Variants in CYP4X1 observed in about 807,000 individuals in gnomAD.
The protein encoded by CYP4X1 is cytochrome P450 family 4 subfamily X member 1.
A neutral mutation model predicts 57.9 loss-of-function variants in CYP4X1; 44 were observed. The observed-to-expected ratio is 0.76, with a 90% CI of 0.60 to 0.98. CYP4X1 has a LOEUF of 0.98. Ranked by LOEUF, CYP4X1 falls within the 50% of genes least tolerant of loss-of-function variation. The pLI, the probability that CYP4X1 is intolerant of heterozygous loss-of-function variation, is 0.00. For synonymous variants in CYP4X1, 227 were observed against 228.6 expected, an observed-to-expected ratio of 0.99 and a Z score of 0.06; for missense variants, 532 against 623.9, an observed-to-expected ratio of 0.85 and a Z score of 1.57.
At chr1:46,972,448 G>C in the CYP4X1 span, among the ~76,000 whole-genome samples, 35 of 152,074 alleles carry the variant, frequency 2.3e-4, no homozygotes, top group Non-Finnish European at 4.6e-4. Context: ...ATGAATTTTA[G>C]AGTGGTTGTT....
At chr1:47,011,985 G>T in the CYP4X1 span, among the ~76,000 whole-genome samples, 3 of 152,230 alleles carry the variant, frequency 2.0e-5, no homozygotes, top group Non-Finnish European at 4.4e-5. Context: ...TTCAATCATT[G>T]TGGAAGACAG....
At chr1:47,011,565 A>T in the CYP4X1 span, among the ~76,000 whole-genome samples, 1 of 152,354 alleles carries the variant, frequency 6.6e-6, no homozygotes, top group African/African-American at 2.4e-5. Context: ...AATGTGATCT[A>T]ATTAAACTAA....
chr1:47,038,248 G>C (rs1455249660), intron 6 of CYP4X1, among the ~76,000 whole-genome samples: 1 of 151,964 alleles, frequency 6.6e-6, no homozygotes, highest in African/African-American at 2.4e-5. Flanking sequence ...TATTACCTCT[G>C]TTCCATATTT....
intron 1 of CYP4X1, among the ~76,000 whole-genome samples, chr1:47,025,072 A>G (rs72890402): frequency 0.017 from 2,641 of 152,114 alleles, 75 homozygotes; most frequent in African/African-American, 0.061. Flanking sequence ...TTGATTCCCA[A>G]TGTTGGAGGT....
chr1:47,018,565 G>A, the CYP4X1 span, among the ~76,000 whole-genome samples: 30 of 152,248 alleles, frequency 2.0e-4, no homozygotes, highest in East Asian at 1.9e-4. Flanking sequence ...ATGGGGCACC[G>A]AATGCAGCGC....
chr1:46,965,968 A>G, the CYP4X1 span, among the ~76,000 whole-genome samples: 1 of 152,244 alleles, frequency 6.6e-6, no homozygotes, highest in Non-Finnish European at 1.5e-5. Context: ...TCCTGCTTAA[A>G]GAAGCAGTCT....
intron 8 of CYP4X1, among the ~76,000 whole-genome samples, chr1:47,041,339 T>C (rs1644244475): frequency 6.6e-6 from 1 of 152,176 alleles, no homozygotes; most frequent in Non-Finnish European, 1.5e-5. Context: ...ATATGGTAGT[T>C]CTATTTTTAA....
chr1:47,023,611 G>T (rs554383978), upstream of CYP4X1: 285 of 1,324,382 alleles, frequency 2.2e-4, 1 homozygote, highest in African/African-American at 3.6e-3. Context: ...TTTGGTAACC[G>T]GCTAGAAATC....
At chr1:46,975,857 T>A in the CYP4X1 span, among the ~76,000 whole-genome samples, 1 of 152,138 alleles carries the variant, frequency 6.6e-6, no homozygotes, top group Non-Finnish European at 1.5e-5. Flanking sequence ...ATTTTGTTCA[T>A]CAAAAAAATT....
chr1:47,050,236 C>G lies in CYP4X1; in HGVS notation c.*62C>G, dbSNP rs753262351. ...CGAAGTTAAATTTACAGCTAATGATCCAAGCAGATAGAAAGGGATCAATGT... is the reference window on the plus strand; with the variant it reads ...CGAAGTTAAATTTACAGCTAATGATGCAAGCAGATAGAAAGGGATCAATGT... On this transcript the variant is annotated 3_prime_UTR_variant, in exon 12 of 12. Coordinates refer to ENST00000371901, the MANE Select transcript of CYP4X1 (RefSeq NM_178033.2). 3.2e-5 allele frequency: 50 copies of G among 1,574,584 alleles called. No homozygotes were observed. Among genetic ancestry groups the G allele is most frequent in the Non-Finnish European group, 4.1e-5 (47 of 1,151,592 alleles).
chr1:47,001,738 T>C, the CYP4X1 span, among the ~76,000 whole-genome samples: 4 of 152,198 alleles, frequency 2.6e-5, no homozygotes, highest in Admixed American at 2.6e-4. Context: ...CTGCTTCTCC[T>C]TCCTCCACAC....
At chr1:47,013,339 A>C in the CYP4X1 span, among the ~76,000 whole-genome samples, 1 of 152,192 alleles carries the variant, frequency 6.6e-6, no homozygotes, top group African/African-American at 2.4e-5. Flanking sequence ...ACATATGACC[A>C]AGGTCAAGTT....
At chr1:46,987,917 C>G in the CYP4X1 span, among the ~76,000 whole-genome samples, 2 of 152,026 alleles carry the variant, frequency 1.3e-5, no homozygotes, top group Admixed American at 6.6e-5. Context: ...CACTAAATGC[C>G]CACAAGAGAA....
the CYP4X1 span, among the ~76,000 whole-genome samples, chr1:46,988,187 A>G: frequency 6.6e-6 from 1 of 152,198 alleles, no homozygotes; most frequent in Non-Finnish European, 1.5e-5. Flanking sequence ...GATGCAATAA[A>G]AAATGATAAA....
At chr1:46,979,665 A>G in the CYP4X1 span, among the ~76,000 whole-genome samples, 2 of 152,184 alleles carry the variant, frequency 1.3e-5, no homozygotes, top group Admixed American at 1.3e-4. Context: ...CCTGGCAGAG[A>G]CACAATAAAA....
the CYP4X1 span, among the ~76,000 whole-genome samples, chr1:46,981,361 G>A: frequency 6.6e-6 from 1 of 152,142 alleles, no homozygotes; most frequent in South Asian, 2.1e-4. Context: ...CATTTATGCA[G>A]CCAAAAGACA....
chr1:46,964,077 C>T, the CYP4X1 span, among the ~76,000 whole-genome samples: 10 of 152,236 alleles, frequency 6.6e-5, no homozygotes, highest in African/African-American at 2.2e-4. Context: ...GTTCTCGTGC[C>T]ATGGTTTTCA....
intron 9 of CYP4X1, among the ~76,000 whole-genome samples, chr1:47,047,954 G>T (rs1219358256): frequency 2.6e-5 from 4 of 151,974 alleles, no homozygotes; most frequent in Non-Finnish European, 4.4e-5. Flanking sequence ...CCATTAATAG[G>T]TATTTAGGCC....
In CYP4X1 at chr1:47,033,293, A is replaced by G. The variant is rs553718215; in HGVS notation, c.417A>G (p.Leu139=). ...DGPKWFQHRR[L]LTPGFHFNIL... The stretch of plus-strand genomic sequence containing the variant: ...CCAAGTGGTTCCAGCATCGTCGCCT[A>G]CTAACTCCTGGATTCCATTTTAACA... Residue 139 remains leucine, a synonymous_variant, in exon 4 of 12, where the codon CTA becomes CTG. Coordinates refer to ENST00000371901, the MANE Select transcript of CYP4X1 (RefSeq NM_178033.2). 9 of 1,613,832 alleles carry G rather than the reference A, an allele frequency of 5.6e-6. No individual in the cohort carries two copies. The highest frequency in any genetic ancestry group is 5.5e-5 in the South Asian group (5 of 91,058).
Sources: gnomAD v4.1 joint callset for allele counts (sites outside exome capture counted in the v4.1 genomes callset) on GRCh38, gnomAD v4.1.1 for gene constraint, MANE v1.5 for transcripts, NCBI Gene and HGNC (gene_info 2026-07-23, HGNC 2026-07-21) for gene names.